Variants in PCDHA5 observed in about 807,000 individuals in gnomAD.
PCDHA5 encodes the protein protocadherin alpha-5.
PCDHA5 carries 43 observed loss-of-function variants against 61.6 expected under a neutral mutation model. The observed-to-expected ratio is 0.70, with a 90% CI of 0.55 to 0.90. The LOEUF (loss-of-function observed/expected upper bound fraction) is 0.90, where lower values mean the gene tolerates loss of function less well. Among genes scored for constraint, PCDHA5 ranks in the 40% least tolerant of loss-of-function variants. The pLI, the probability that PCDHA5 is intolerant of heterozygous loss-of-function variation, is 0.00. For synonymous variants in PCDHA5, 627 were observed against 543.9 expected, an observed-to-expected ratio of 1.15 and a Z score of -2.13; for missense variants, 1,298 against 1,222.7, an observed-to-expected ratio of 1.06 and a Z score of -0.92.
intron 1 of PCDHA5, among the ~76,000 whole-genome samples, chr5:140,911,493 A>G (rs1157677496): frequency 6.6e-6 from 1 of 152,168 alleles, no homozygotes; most frequent in African/African-American, 2.4e-5. Context: ...CAATCTTAGC[A>G]GGTTTGAGGT....
chr5:140,875,254 T>C, intron 1 of PCDHA5: 1 of 1,054,680 alleles, frequency 9.5e-7, no homozygotes, highest in Non-Finnish European at 1.3e-6. Flanking sequence ...ATCAGTCACA[T>C]GATGTCGCTC....
intron 1 of PCDHA5, among the ~76,000 whole-genome samples, chr5:140,945,559 A>T (rs1365534966): frequency 6.6e-6 from 1 of 152,096 alleles, no homozygotes; most frequent in Non-Finnish European, 1.5e-5. Flanking sequence ...GAAGCTGAAG[A>T]CATCATACTA....
chr5:140,980,039 C>T (rs2096874436), intron 2 of PCDHA5, among the ~76,000 whole-genome samples: 1 of 152,184 alleles, frequency 6.6e-6, no homozygotes, highest in South Asian at 2.1e-4. Context: ...ACATTGGGTG[C>T]TATTTCTGAT....
intron 1 of PCDHA5, chr5:140,871,192 G>A (rs1582019516): frequency 6.2e-7 from 1 of 1,613,668 alleles, no homozygotes; most frequent in South Asian, 1.1e-5. Context: ...GGATGTCAAC[G>A]TGTACCTGAT....
At chr5:140,841,101 C>T (rs1282601439) in intron 1 of PCDHA5, 2 of 575,780 alleles carry the variant, frequency 3.5e-6, no homozygotes, top group East Asian at 3.0e-5. Context: ...CCAGATATTG[C>T]GGAAGTAATT....
In PCDHA5 at chr5:140,823,709, G is replaced by C. The variant is rs2150128449; in HGVS notation, c.1934G>C (p.Arg645Pro). The change falls in exon 1 of 4, where the codon CGC (arginine) becomes CCC (proline). Residue 645 changes from arginine (R) to proline (P), a missense_variant. Transcript: ENST00000529859. ...GATGAGACCGAAGCACCGCGCCACCGCCTTCTGGTGCTGGTGAAGGACCAT... is the reference window on the plus strand; with the variant it reads ...GATGAGACCGAAGCACCGCGCCACCCCCTTCTGGTGCTGGTGAAGGACCAT... ...SLDETEAPRH[R>P]LLVLVKDHGE... 4 of 1,613,832 alleles carry C rather than the reference G, an allele frequency of 2.5e-6. No homozygotes were observed. The African/African-American group carries it at 5.3e-5, about 22-fold the overall frequency.
intron 3 of PCDHA5, among the ~76,000 whole-genome samples, chr5:141,000,522 G>A (rs1294045842): frequency 4.2e-5 from 6 of 143,688 alleles, no homozygotes; most frequent in African/African-American, 1.6e-4. Context: ...CCTTCTCCAG[G>A]GTTCAAGTGA....
intron 1 of PCDHA5, chr5:140,828,637 G>GA: frequency 1.9e-6 from 3 of 1,614,174 alleles, no homozygotes; most frequent in Non-Finnish European, 1.7e-6. Flanking sequence ...GGCTAGATGT[G>GA]AAAATAAACA....
intron 1 of PCDHA5, chr5:140,858,510 T>C: frequency 2.1e-6 from 3 of 1,437,158 alleles, no homozygotes; most frequent in African/African-American, 1.4e-5. Flanking sequence ...TTCTCAAATA[T>C]GTATCAGAAT....
In PCDHA5 at chr5:140,843,697, T is replaced by C. The variant is rs2150365268; in HGVS notation, c.2352+19570T>C. 3.9e-5 allele frequency: 61 copies of C among 1,583,460 alleles called. 6 individuals carry two copies. Among genetic ancestry groups the C allele is most frequent in the Middle Eastern group, 1.7e-4 (1 of 5,990 alleles). ...ATGTAGGCGAAGAGCAAGATTTAAA[T>C]GTTGATCATGGCCTCAAAGTAAGTC... On this transcript the variant is annotated intron_variant, in intron 1 of 3. Coordinates refer to ENST00000529859, the MANE Select transcript of PCDHA5 (RefSeq NM_018908.3).
intron 1 of PCDHA5, among the ~76,000 whole-genome samples, chr5:140,837,556 A>G (rs1356770218): frequency 6.6e-6 from 1 of 151,974 alleles, no homozygotes; most frequent in Non-Finnish European, 1.5e-5. Flanking sequence ...GCCAAATTAT[A>G]TAAATATATT....
At chr5:140,976,241 T>C (rs1170027788) in intron 1 of PCDHA5, among the ~76,000 whole-genome samples, 3 of 152,144 alleles carry the variant, frequency 2.0e-5, no homozygotes, top group African/African-American at 4.8e-5. Context: ...TGTCATTTCA[T>C]GTAAATTTAT....
chr5:140,901,286 C>T (rs1681382612), intron 1 of PCDHA5, among the ~76,000 whole-genome samples: 1 of 151,988 alleles, frequency 6.6e-6, no homozygotes. Flanking sequence ...AAATTTTTGC[C>T]CAGACTGATG....
intron 1 of PCDHA5, chr5:140,853,856 G>T: frequency 1.0e-6 from 1 of 985,598 alleles, no homozygotes; most frequent in South Asian, 4.7e-5. Context: ...AGCCCTATTT[G>T]ATACTTGACA....
chr5:140,985,739 C>CTTTT (rs11372071), intron 3 of PCDHA5, among the ~76,000 whole-genome samples: 9 of 117,918 alleles, frequency 7.6e-5, no homozygotes, highest in East Asian at 2.5e-4. Flanking sequence ...TGATGAATTC[C>CTTTT]TTTTTTTTTT....
At position 140,850,250 on chromosome 5, in the gene PCDHA5, G is replaced by C; in HGVS notation, c.2352+26123G>C. Reference sequence around the variant, plus strand: ...TGAGCGAGATGGTGCTGCGGTCGGTGGGCGCCGGCGTAGTGGTGGGGAAGG... The same window carrying C: ...TGAGCGAGATGGTGCTGCGGTCGGTCGGCGCCGGCGTAGTGGTGGGGAAGG... On this transcript the variant is annotated intron_variant, in intron 1 of 3. Transcript: ENST00000529859. The C allele has an allele frequency of 1.9e-6, 3 of 1,594,024 alleles. 1 individual carries two copies. Among genetic ancestry groups the C allele is most frequent in the Non-Finnish European group, 2.6e-6 (3 of 1,167,182 alleles).
rs2150127505 is a variant in PCDHA5 at position 140,823,621 on chromosome 5, A to G, written c.1846A>G (p.Ser616Gly). The change falls in exon 1 of 4, where the codon AGT becomes GGT. Residue 616 changes from serine (S) to glycine (G), a missense_variant. Ser to Gly is a moderately conservative substitution (Grantham distance 56). Transcript: ENST00000529859. ...GTATGAGCTGCAGCCAGCGCCTGGCAGTGCGCGCATCCCGTTCCGCGTGGG... is the reference window on the plus strand; with the variant it reads ...GTATGAGCTGCAGCCAGCGCCTGGCGGTGCGCGCATCCCGTTCCGCGTGGG... ...LSYELQPAPG[S>G]ARIPFRVGLY... 5 of 1,613,864 alleles carry G rather than the reference A, an allele frequency of 3.1e-6. No individual in the cohort carries two copies. The highest frequency in any genetic ancestry group is 1.7e-5 in the Admixed American group (1 of 60,008).
chr5:140,986,355 T>C (rs1381730343), intron 3 of PCDHA5, among the ~76,000 whole-genome samples: 3 of 152,154 alleles, frequency 2.0e-5, no homozygotes, highest in African/African-American at 7.2e-5. Context: ...CTTCTTCAGA[T>C]GGAGGAATGC....
intron 1 of PCDHA5, 27 bp from the exon 2 acceptor site, chr5:140,978,922 C>G: frequency 6.2e-7 from 1 of 1,613,966 alleles, no homozygotes; most frequent in Non-Finnish European, 8.5e-7. Context: ...GTCATTTTAA[C>G]AGAAAACTCT....
Sources: allele counts gnomAD v4.1 joint callset (sites outside exome capture counted in the v4.1 genomes callset), GRCh38; gene constraint gnomAD v4.1.1; transcripts MANE v1.5; gene names NCBI Gene and HGNC (gene_info 2026-07-23, HGNC 2026-07-21).